Variants in PPFIBP1 observed in about 807,000 individuals in gnomAD.
PPFIBP1 encodes the protein PPFIB scaffold protein 1.
Under a neutral mutation model 137.8 loss-of-function variants are expected in PPFIBP1, and 112 were observed. That is an observed-to-expected ratio of 0.81 (90% CI 0.70 to 0.95). The LOEUF is 0.95. PPFIBP1 is among the 40% of genes least tolerant of loss of function. The pLI is 0.00. For missense variants in PPFIBP1, 1,083 were observed against 1,196.6 expected, an observed-to-expected ratio of 0.91 and a Z score of 1.40; for synonymous variants, 378 against 417.3, an observed-to-expected ratio of 0.91 and a Z score of 1.15.
intron 8 of PPFIBP1, 99 bp from the exon 9 acceptor site, chr12:27,656,517 T>C (rs1421663636): frequency 1.3e-5 from 10 of 758,312 alleles, no homozygotes; most frequent in East Asian, 5.3e-5. Context: ...ATTTGTTTCA[T>C]TCATAAAACC....
intron 8 of PPFIBP1, 62 bp from the exon 9 acceptor site, chr12:27,656,554 G>C (rs1248846330): frequency 3.0e-6 from 3 of 988,708 alleles, no homozygotes; most frequent in East Asian, 2.4e-5. Context: ...GAGCTAATAT[G>C]CTCTCTGAAT....
At chr12:27,545,383 A>G (rs1327267958) in intron 1 of PPFIBP1, among the ~76,000 whole-genome samples, 1 of 152,190 alleles carries the variant, frequency 6.6e-6, no homozygotes, top group African/African-American at 2.4e-5. Flanking sequence ...TAAGTATAAT[A>G]AGAAAAAAAA....
intron 1 of PPFIBP1, among the ~76,000 whole-genome samples, chr12:27,573,491 G>A (rs943458526): frequency 6.6e-6 from 1 of 152,116 alleles, no homozygotes; most frequent in African/African-American, 2.4e-5. Context: ...AATGAGTATG[G>A]CCTCAGAAAC....
intron 7 of PPFIBP1, chr12:27,654,391 CTG>C (rs1489227688): frequency 1.2e-5 from 2 of 173,606 alleles, no homozygotes; most frequent in Non-Finnish European, 2.4e-5. Context: ...AAATAGCACT[CTG>C]TGAAATAGCA....
Position 27,679,488 on chromosome 12 carries a change from G to C in PPFIBP1, c.1616-1G>C. 1 of 1,608,408 alleles carries C rather than the reference G, an allele frequency of 6.2e-7. No homozygotes were observed. Among genetic ancestry groups the C allele is most frequent in the Non-Finnish European group, 8.5e-7 (1 of 1,178,532 alleles). ...TTGTCTGCATTCTGCTCTTGGAGTA[G>C]CTGAAACAGAAAAAGAGACAGCAGA... On this transcript the variant is annotated splice_acceptor_variant, in intron 19 of 29. Transcript: ENST00000228425. LOFTEE classifies it high-confidence loss of function.
chr12:27,659,129 A>C (rs1297598308), intron 10 of PPFIBP1, among the ~76,000 whole-genome samples: 4 of 152,226 alleles, frequency 2.6e-5, no homozygotes, highest in African/African-American at 9.6e-5. Context: ...CCTGCAGTCT[A>C]GGTGATTCAG....
intron 1 of PPFIBP1, among the ~76,000 whole-genome samples, chr12:27,559,734 C>T (rs1423818054): frequency 6.6e-6 from 1 of 152,200 alleles, no homozygotes; most frequent in Non-Finnish European, 1.5e-5. Context: ...AGTTATACCT[C>T]TTGGCATAAT....
Position 27,679,602 on chromosome 12 carries a change from A to G in PPFIBP1, c.1729A>G (p.Lys577Glu). 2 of 1,613,864 alleles carry G rather than the reference A, an allele frequency of 1.2e-6. No individual in the cohort carries two copies. Among genetic ancestry groups the G allele is most frequent in the Non-Finnish European group, 1.7e-6 (2 of 1,179,782 alleles). ...GATACCGCCTCCATCTCCAGATTCC[A>G]AAAAGAAATCCAGAGGTATCATGAA... ...FQIPPPSPDS[K>E]KKSRGIMKLF... Residue 577 changes from lysine (K) to glutamate (E), a missense_variant, in exon 20 of 30, where the codon AAA becomes GAA. Transcript: ENST00000228425.
chr12:27,528,317 G>A (rs1047801982), intron 1 of PPFIBP1, among the ~76,000 whole-genome samples: 5 of 152,162 alleles, frequency 3.3e-5, no homozygotes, highest in Admixed American at 2.0e-4. Context: ...TTCAACCAAA[G>A]GTGGATAACT....
intron 11 of PPFIBP1, among the ~76,000 whole-genome samples, chr12:27,661,582 G>A (rs1332795853): frequency 1.3e-5 from 2 of 152,178 alleles, no homozygotes; most frequent in Non-Finnish European, 1.5e-5. Context: ...TGGCTTACCT[G>A]ACCACGTATC....
chr12:27,656,845 A>C, intron 9 of PPFIBP1, 115 bp downstream of exon 9: 1 of 703,118 alleles, frequency 1.4e-6, no homozygotes, highest in East Asian at 2.8e-5. Flanking sequence ...GAGCAGCAGA[A>C]TCCAGCCAGG....
intron 24 of PPFIBP1, 67 bp downstream of exon 24, chr12:27,682,770 G>C: frequency 6.2e-7 from 1 of 1,610,306 alleles, no homozygotes; most frequent in African/African-American, 1.3e-5. Context: ...CAGGAATTGA[G>C]TAAGCCAAAC....
At chr12:27,597,682 A>G (rs1421999410) in intron 2 of PPFIBP1, among the ~76,000 whole-genome samples, 3 of 152,214 alleles carry the variant, frequency 2.0e-5, no homozygotes, top group African/African-American at 4.8e-5. Context: ...GAATATAAAC[A>G]TTTAAGAAAA....
At chr12:27,649,417 A>C (rs1276784631) in intron 6 of PPFIBP1, among the ~76,000 whole-genome samples, 1 of 152,202 alleles carries the variant, frequency 6.6e-6, no homozygotes, top group African/African-American at 2.4e-5. Context: ...ACCATCATCA[A>C]TGTTATCATC....
At chr12:27,553,831 T>A (rs1445932951) in intron 1 of PPFIBP1, among the ~76,000 whole-genome samples, 1 of 152,256 alleles carries the variant, frequency 6.6e-6, no homozygotes, top group Non-Finnish European at 1.5e-5. Flanking sequence ...TCCTTAAGTA[T>A]TCCTACTTTT....
intron 1 of PPFIBP1, among the ~76,000 whole-genome samples, chr12:27,558,701 GA>G (rs1482739942): frequency 6.6e-6 from 1 of 151,986 alleles, no homozygotes; most frequent in Non-Finnish European, 1.5e-5. Context: ...GAAGCATAAA[GA>G]ATGGTGTTTA....
At chr12:27,657,809 G>A (rs1292376289) in intron 9 of PPFIBP1, among the ~76,000 whole-genome samples, 1 of 152,020 alleles carries the variant, frequency 6.6e-6, no homozygotes, top group African/African-American at 2.4e-5. Flanking sequence ...TGCTTTCAGG[G>A]TTTTAAGAAT....
intron 24 of PPFIBP1, among the ~76,000 whole-genome samples, chr12:27,685,284 T>TAC (rs146218344): frequency 7.3e-5 from 11 of 150,894 alleles, no homozygotes; most frequent in South Asian, 4.2e-4. Context: ...TGTATCCATA[T>TAC]ACACACACAC....
intron 2 of PPFIBP1, among the ~76,000 whole-genome samples, chr12:27,589,733 T>C (rs10842944): frequency 0.27 from 41,503 of 152,198 alleles, 7,080 homozygotes; most frequent in Middle Eastern, 0.38. Context: ...TTGGTTGAGT[T>C]CGTCCTAGAG....
Sources: allele counts gnomAD v4.1 joint callset (sites outside exome capture counted in the v4.1 genomes callset), GRCh38; gene constraint gnomAD v4.1.1; transcripts MANE v1.5; gene names NCBI Gene and HGNC (gene_info 2026-07-23, HGNC 2026-07-21).